The following TENM3 variants were observed in gnomAD, a reference collection of about 807,000 sequenced individuals.
The protein encoded by TENM3 is teneurin-3.
A neutral mutation model predicts 255.1 loss-of-function variants in TENM3; 63 were observed. The observed-to-expected ratio is 0.25, with a 90% CI of 0.20 to 0.30. The LOEUF (loss-of-function observed/expected upper bound fraction) is 0.30. Ranked by LOEUF, TENM3 falls within the 10% of genes least tolerant of loss-of-function variation. TENM3 has a pLI of 1.00. For missense variants in TENM3, 2,929 were observed against 3,461.1 expected, an observed-to-expected ratio of 0.85 and a Z score of 3.86; for synonymous variants, 1,306 against 1,322.3, an observed-to-expected ratio of 0.99 and a Z score of 0.27.
At chr4:182,351,277 A>T (rs72699913) in intron 3 of TENM3, among the ~76,000 whole-genome samples, 2,786 of 152,296 alleles carry the variant, frequency 0.018, 35 homozygotes, top group Non-Finnish European at 0.029. Flanking sequence ...AAGTGGGAAA[A>T]CATGTAATAA....
the TENM3 span, among the ~76,000 whole-genome samples, chr4:181,693,950 G>T: frequency 0.76 from 116,052 of 151,958 alleles, 44,999 homozygotes; most frequent in Admixed American, 0.87. Context: ...AGTGTAATAA[G>T]TAAGAACACA....
chr4:181,483,728 C>T, the TENM3 span, among the ~76,000 whole-genome samples: 2 of 152,092 alleles, frequency 1.3e-5, no homozygotes, highest in African/African-American at 4.8e-5. Flanking sequence ...AAAGACCATG[C>T]AGTGGTATCA....
chr4:182,059,745 CAAAAAAA>C, the TENM3 span, among the ~76,000 whole-genome samples: 61 of 43,192 alleles, frequency 1.4e-3, no homozygotes, highest in South Asian at 1.7e-3. Flanking sequence ...TCTGTCTCTA[CAAAAAAA>C]AAAAAAAAAA....
chr4:182,281,014 A>G (rs1023593130), intron 1 of TENM3, among the ~76,000 whole-genome samples: 21 of 152,216 alleles, frequency 1.4e-4, no homozygotes, highest in Admixed American at 1.2e-3. Flanking sequence ...ACTGATTGTC[A>G]GCTGCTCATC....
At chr4:182,350,892 C>G (rs1428201041) in intron 3 of TENM3, among the ~76,000 whole-genome samples, 1 of 152,012 alleles carries the variant, frequency 6.6e-6, no homozygotes, top group African/African-American at 2.4e-5. Context: ...ACCATGTTGG[C>G]CAGGATGGTC....
the TENM3 span, among the ~76,000 whole-genome samples, chr4:181,763,578 A>G: frequency 6.6e-6 from 1 of 152,322 alleles, no homozygotes; most frequent in East Asian, 1.9e-4. Context: ...ATAAATTTGT[A>G]TTGCAACAGA....
intron 3 of TENM3, among the ~76,000 whole-genome samples, chr4:182,414,448 A>G (rs972321052): frequency 3.3e-5 from 5 of 152,224 alleles, no homozygotes; most frequent in African/African-American, 9.6e-5. Context: ...TCATTTTAAT[A>G]ATGAGTATAG....
chr4:181,577,813 G>C, the TENM3 span, among the ~76,000 whole-genome samples: 3 of 151,994 alleles, frequency 2.0e-5, no homozygotes, highest in East Asian at 3.9e-4. Flanking sequence ...ATACCAATGT[G>C]ATCTAATTTT....
intron 22 of TENM3, among the ~76,000 whole-genome samples, chr4:182,766,366 AAC>A (rs1451037970): frequency 3.3e-5 from 5 of 152,146 alleles, no homozygotes; most frequent in African/African-American, 1.2e-4. Context: ...TCACTCGATA[AAC>A]AATTTAAAAA....
At chr4:182,549,509 G>A (rs1741796297) in intron 3 of TENM3, among the ~76,000 whole-genome samples, 1 of 152,182 alleles carries the variant, frequency 6.6e-6, no homozygotes, top group Admixed American at 6.5e-5. Flanking sequence ...GATTAGGAAT[G>A]TGTGTTCTTG....
At chr4:182,715,274 A>T (rs1444965095) in intron 13 of TENM3, among the ~76,000 whole-genome samples, 3 of 152,154 alleles carry the variant, frequency 2.0e-5, no homozygotes, top group African/African-American at 7.2e-5. Flanking sequence ...CACGTGTGTT[A>T]GGTTGTGTTT....
At chr4:181,886,456 GATAA>G in the TENM3 span, among the ~76,000 whole-genome samples, 1 of 152,110 alleles carries the variant, frequency 6.6e-6, no homozygotes, top group East Asian at 1.9e-4. Flanking sequence ...AAACTTTTGA[GATAA>G]ATATTGGTTC....
At chr4:181,552,401 C>A in the TENM3 span, among the ~76,000 whole-genome samples, 1 of 152,114 alleles carries the variant, frequency 6.6e-6, no homozygotes, top group South Asian at 2.1e-4. Flanking sequence ...TTCCGATATC[C>A]ATTTCTTTAT....
At chr4:181,598,574 G>T in the TENM3 span, among the ~76,000 whole-genome samples, 1 of 151,528 alleles carries the variant, frequency 6.6e-6, no homozygotes, top group South Asian at 2.1e-4. Flanking sequence ...TTTTGACAAA[G>T]GTAAACATCT....
chr4:182,515,160 A>G (rs1029495355), intron 3 of TENM3, among the ~76,000 whole-genome samples: 4 of 152,208 alleles, frequency 2.6e-5, no homozygotes, highest in Non-Finnish European at 5.9e-5. Context: ...AATGGGTGGG[A>G]AAAATGAATC....
At chr4:182,667,664 T>C (rs1390368886) in intron 6 of TENM3, among the ~76,000 whole-genome samples, 4 of 152,178 alleles carry the variant, frequency 2.6e-5, no homozygotes, top group Non-Finnish European at 5.9e-5. Flanking sequence ...CATCATTACA[T>C]TTCATGTTTC....
chr4:181,672,700 T>C, the TENM3 span, among the ~76,000 whole-genome samples: 1 of 152,344 alleles, frequency 6.6e-6, no homozygotes. Flanking sequence ...CAGAAGCGCC[T>C]GCATCTGCAT....
At chr4:181,592,662 C>CTTTTTTT in the TENM3 span, among the ~76,000 whole-genome samples, 1 of 130,058 alleles carries the variant, frequency 7.7e-6, no homozygotes. Context: ...GAAAATCTCT[C>CTTTTTTT]TTTTTTTTTT....
chr4:182,446,569 T>A (rs1772929224), intron 3 of TENM3, among the ~76,000 whole-genome samples: 1 of 152,144 alleles, frequency 6.6e-6, no homozygotes. Flanking sequence ...TAACTTGTGG[T>A]TGTCAAAAAT....
Sources: allele counts gnomAD v4.1 joint callset (sites outside exome capture counted in the v4.1 genomes callset), GRCh38; gene constraint gnomAD v4.1.1; transcripts MANE v1.5; gene names NCBI Gene and HGNC (gene_info 2026-07-23, HGNC 2026-07-21).